The following FBXL14 variants were observed in gnomAD, a reference collection of about 807,000 sequenced individuals.
FBXL14 encodes the protein F-box and leucine rich repeat protein 14, also known as F-box/LRR-repeat protein 14.
A neutral mutation model predicts 24.5 loss-of-function variants in FBXL14; 11 were observed. The observed-to-expected ratio is 0.45, with a 90% confidence interval of 0.28 to 0.74. The LOEUF (loss-of-function observed/expected upper bound fraction) is 0.74. FBXL14 is among the 30% of genes least tolerant of loss of function. FBXL14 has a pLI of 0.12. For missense variants in FBXL14, 384 were observed against 545.6 expected (o/e 0.70, Z 2.95); for synonymous variants, 294 against 240.4 (o/e 1.22, Z -2.06).
chr12:1,576,387 A>G (rs2094455940), intron 1 of FBXL14, among the ~76,000 whole-genome samples: 1 of 152,152 alleles, frequency 6.6e-6, no homozygotes, highest in Non-Finnish European at 1.5e-5. Flanking sequence ...TGAAACTGAC[A>G]TCGAGGGCAG....
At chr12:1,574,578 G>A (rs2094452328) in intron 1 of FBXL14, 2 of 252,312 alleles carry the variant, frequency 7.9e-6, no homozygotes, top group South Asian at 7.5e-5. Context: ...TAGCAACTGA[G>A]TGCTGGTAAA....
intron 1 of FBXL14, among the ~76,000 whole-genome samples, chr12:1,582,803 C>T (rs1168843053): frequency 6.6e-6 from 1 of 152,212 alleles, no homozygotes; most frequent in Admixed American, 6.5e-5. Flanking sequence ...CCCACTTCTA[C>T]ACCTGCCCTT....
Position 1,569,397 on chromosome 12 carries a change from CTT to C in FBXL14, c.1195-2589_1195-2588del, listed in dbSNP as rs35122636. Among the ~76,000 whole-genome samples the C allele has an allele frequency of 0.092, 12,346 of 134,736 alleles. 328 individuals carry two copies. Among genetic ancestry groups the C allele is most frequent in the African/African-American group, 0.12 (4,300 of 36,636 alleles). The allele number at this position is 134,736 out of a possible 152,430, so 88.4% of individuals were successfully genotyped here. ...ATGCTAAATAAGAAACCACTTCGTT[CTT>C]TTTTTTTTTTTTTTTGTCTGAGACG... On this transcript the variant is annotated intron_variant, in intron 1 of 1. Transcript: ENST00000339235. The surrounding 1 kb of genome is among the most constrained non-coding windows in gnomAD (Gnocchi z 4.2).
At chr12:1,574,458 C>T (rs12812358) in intron 1 of FBXL14, among the ~76,000 whole-genome samples, 1 of 8,058 alleles carries the variant, frequency 1.2e-4, no homozygotes, top group East Asian at 1.8e-3. Context: ...TGGTGGCAGC[C>T]GTGTGGGTGG....
intron 1 of FBXL14, among the ~76,000 whole-genome samples, chr12:1,570,002 AG>A (rs1218225364): frequency 2.6e-5 from 4 of 152,194 alleles, no homozygotes; most frequent in Non-Finnish European, 5.9e-5. Flanking sequence ...GGCTTTTATG[AG>A]GTTCAGATTC....
At chr12:1,592,233 A>G (rs2094492052) in intron 1 of FBXL14, among the ~76,000 whole-genome samples, 1 of 147,656 alleles carries the variant, frequency 6.8e-6, no homozygotes, top group Admixed American at 6.8e-5. Flanking sequence ...AATATATAGA[A>G]TATATTCAGC....
Position 1,593,512 on chromosome 12 carries a change from C to G in FBXL14, c.555G>C (p.Val185=), listed in dbSNP as rs766788817. ...NLRSCRHLSD[V]GIGHLAGMTR... is the part of the protein sequence containing the mutation. Reference sequence around the variant, plus strand: ...TCATGCCGGCCAGGTGCCCGATGCCCACATCCGAAAGGTGGCGGCAGCTGC... The same window carrying G: ...TCATGCCGGCCAGGTGCCCGATGCCGACATCCGAAAGGTGGCGGCAGCTGC... Residue 185 remains valine, a synonymous_variant, in exon 1 of 2, where the codon GTG becomes GTC. Coordinates refer to ENST00000339235, the MANE Select transcript of FBXL14 (RefSeq NM_152441.3). The surrounding 1 kb of genome is among the most constrained non-coding windows in gnomAD (Gnocchi z 7.4). 1 of 1,613,800 alleles carries G rather than the reference C, an allele frequency of 6.2e-7. No individual in the cohort carries two copies. Among genetic ancestry groups the G allele is most frequent in the Non-Finnish European group, 8.5e-7 (1 of 1,179,938 alleles).
intron 1 of FBXL14, among the ~76,000 whole-genome samples, chr12:1,576,311 A>C (rs1407265381): frequency 6.6e-6 from 1 of 152,114 alleles, no homozygotes; most frequent in East Asian, 1.9e-4. Context: ...GGGGGCCGGC[A>C]GTGTCAGTCA....
At chr12:1,573,730 CCT>C (rs2094449574) in intron 1 of FBXL14, among the ~76,000 whole-genome samples, 4 of 152,146 alleles carry the variant, frequency 2.6e-5, no homozygotes, top group Admixed American at 6.5e-5. Flanking sequence ...TGAGGCCGGG[CCT>C]GGTGGCTCAC....
chr12:1,588,847 A>C (rs2094482274), intron 1 of FBXL14, among the ~76,000 whole-genome samples: 1 of 151,880 alleles, frequency 6.6e-6, no homozygotes, highest in Non-Finnish European at 1.5e-5. Context: ...GTGTACTATC[A>C]ATTCATGTCC....
intron 1 of FBXL14, among the ~76,000 whole-genome samples, chr12:1,580,585 A>G (rs574545060): frequency 6.6e-6 from 1 of 152,264 alleles, no homozygotes; most frequent in South Asian, 2.1e-4. Flanking sequence ...CCCTTAAAAA[A>G]TAATTGCGGA....
intron 1 of FBXL14, among the ~76,000 whole-genome samples, chr12:1,591,953 A>T (rs2094491134): frequency 6.6e-6 from 1 of 152,134 alleles, no homozygotes; most frequent in African/African-American, 2.4e-5. Flanking sequence ...AAGATTTAGA[A>T]ATAGGTCCTC....
At chr12:1,580,573 A>G (rs1267284349) in intron 1 of FBXL14, among the ~76,000 whole-genome samples, 2 of 152,098 alleles carry the variant, frequency 1.3e-5, no homozygotes, top group Admixed American at 6.5e-5. Flanking sequence ...TTCTCTAGTA[A>G]TCCCTTAAAA....
At chr12:1,584,080 G>A (rs141581416) in intron 1 of FBXL14, among the ~76,000 whole-genome samples, 1 of 152,200 alleles carries the variant, frequency 6.6e-6, no homozygotes, top group Non-Finnish European at 1.5e-5. Flanking sequence ...AGCAGTTGTA[G>A]GCTCCTGCAA....
Position 1,594,493 on chromosome 12 carries a change from G to A in FBXL14, c.-427C>T, listed in dbSNP as rs938742331. On this transcript the variant is annotated 5_prime_UTR_variant, in exon 1 of 2. Coordinates refer to ENST00000339235, the MANE Select transcript of FBXL14 (RefSeq NM_152441.3). ...GCCGCCGCCGCTGCTCCGCGGGCCG[G>A]CGGGCGGCGAGGGGGCCCCGGGGGC... Among the ~76,000 whole-genome samples, 26 of 146,984 alleles carry A rather than the reference G, an allele frequency of 1.8e-4. No homozygotes were observed. The highest frequency in any genetic ancestry group is 3.6e-4 in the Non-Finnish European group (24 of 66,064).
intron 1 of FBXL14, among the ~76,000 whole-genome samples, chr12:1,574,363 A>G: frequency 6.7e-6 from 1 of 149,996 alleles, no homozygotes; most frequent in Non-Finnish European, 1.5e-5. Context: ...GGGTGAGAGG[A>G]GGCTGGTGGC....
chr12:1,568,971 A>G (rs1312680493), intron 1 of FBXL14, among the ~76,000 whole-genome samples: 3 of 152,242 alleles, frequency 2.0e-5, no homozygotes, highest in Admixed American at 2.0e-4. Flanking sequence ...CTTTAGGCTG[A>G]CCAGCAAAAG....
chr12:1,590,596 G>A (rs2094487261), intron 1 of FBXL14, among the ~76,000 whole-genome samples: 1 of 152,108 alleles, frequency 6.6e-6, no homozygotes, highest in Non-Finnish European at 1.5e-5. Context: ...CTGGAATTCT[G>A]GTATTTCATT....
chr12:1,570,734 T>G (rs1200979763), intron 1 of FBXL14, among the ~76,000 whole-genome samples: 2 of 152,158 alleles, frequency 1.3e-5, no homozygotes, highest in Admixed American at 6.5e-5. Context: ...TTGCCCATCT[T>G]AGTCAGAACA....
Sources: allele counts gnomAD v4.1 joint callset (sites outside exome capture counted in the v4.1 genomes callset), GRCh38; gene constraint gnomAD v4.1.1; non-coding constraint Gnocchi (gnomAD v3.1); transcripts MANE v1.5; gene names NCBI Gene and HGNC (gene_info 2026-07-23, HGNC 2026-07-21).